The following HRG variants were observed in gnomAD, a reference collection of about 807,000 sequenced individuals.
HRG encodes the protein histidine rich glycoprotein, also known as histidine-rich glycoprotein.
A neutral mutation model predicts 29.5 loss-of-function variants in HRG; 26 were observed. The observed-to-expected ratio is 0.88, with a 90% CI of 0.65 to 1.22. HRG has a LOEUF of 1.22. Ranked by LOEUF, HRG falls within the 50% of genes most tolerant of loss-of-function variation. The pLI is 0.00. For missense variants in HRG, 671 were observed against 654.5 expected, an observed-to-expected ratio of 1.03 and a Z score of -0.28; for synonymous variants, 243 against 240.4, an observed-to-expected ratio of 1.01 and a Z score of -0.10.
chr3:186,671,034 C>T (rs1003442841), intron 3 of HRG, among the ~76,000 whole-genome samples: 1 of 151,618 alleles, frequency 6.6e-6, no homozygotes. Flanking sequence ...CTGTCTTCCC[C>T]CTTGGCAACA....
At chr3:186,672,747 T>G (rs1267686248) in intron 4 of HRG, 40 bp from the exon 5 acceptor site, 1 of 1,361,984 alleles carries the variant, frequency 7.3e-7, no homozygotes, top group Admixed American at 1.7e-5. Context: ...TCCTTTTTCT[T>G]TGTCTGTTCT....
At position 186,668,832 on chromosome 3, in the gene HRG, A is replaced by T; in HGVS notation, c.184-103A>T. ...GAGCATCTGCAAAGACAGTGAGAGG[A>T]ACAGGAATTCTGTTTAAGTAATAAA... is the stretch of plus-strand genomic sequence containing the variant. On this transcript the variant is annotated intron_variant, in intron 1 of 6. Transcript: ENST00000232003. 5.6e-6 allele frequency: 4 copies of T among 718,498 alleles called. No individual in the cohort carries two copies. The South Asian group carries it at 6.2e-5, about 11-fold the overall frequency. 44.5% of individuals were successfully genotyped at this position (718,498 alleles called of 1,614,324 possible).
Position 186,677,777 on chromosome 3 carries a change from C to T in HRG, c.1472C>T (p.Pro491Leu), listed in dbSNP as rs1227947711. The stretch of plus-strand genomic sequence containing the variant: ...CCGCACCACAAACATCCTCTAAAGC[C>T]AGACAATCAGCCCTTTCCTCAATCA... Reference protein sequence around the residue: ...PLPHHKHPLKPDNQPFPQSVS... With the variant: ...PLPHHKHPLKLDNQPFPQSVS... The change falls in exon 7 of 7, where the codon CCA becomes CTA. Residue 491 changes from proline (P) to leucine (L), a missense_variant. Pro to Leu is a moderately conservative substitution (Grantham distance 98, BLOSUM62 -3). Coordinates refer to ENST00000232003, the MANE Select transcript of HRG (RefSeq NM_000412.5). 2 of 1,613,940 alleles carry T rather than the reference C, an allele frequency of 1.2e-6. No individual in the cohort carries two copies. Among genetic ancestry groups the T allele is most frequent in the South Asian group, 1.1e-5 (1 of 91,064 alleles).
At position 186,675,300 on chromosome 3, in the gene HRG, T is replaced by TGA. The variant is rs1367965463; in HGVS notation, c.741+111_741+112insAG. The TGA allele has an allele frequency of 6.2e-4, 376 of 602,092 alleles. 1 individual carries two copies. The highest frequency in any genetic ancestry group is 5.7e-3 in the African/African-American group (254 of 44,346). The allele number at this position is 602,092 out of a possible 1,614,324, so 37.3% of individuals were successfully genotyped here. Reference sequence around the variant, plus strand: ...CTATGAGTGGGTGTGTGTGTGTGTGTGTGTGTGTGAGAGAGAGAGAGAGAG... The same window carrying TGA: ...CTATGAGTGGGTGTGTGTGTGTGTGTGAGTGTGTGTGAGAGAGAGAGAGAGAG... On this transcript the variant is annotated intron_variant, in intron 6 of 6. Coordinates refer to ENST00000232003, the MANE Select transcript of HRG (RefSeq NM_000412.5).
chr3:186,674,747 A>G (rs1022931036), intron 5 of HRG: 5 of 363,354 alleles, frequency 1.4e-5, no homozygotes, highest in Non-Finnish European at 2.1e-5. Context: ...TCATTGTCCT[A>G]GGCACAGGCA....
At chr3:186,673,389 GGC>G (rs1718869505) in intron 5 of HRG, 1 of 201,954 alleles carries the variant, frequency 5.0e-6, no homozygotes, top group Non-Finnish European at 1.0e-5. Context: ...TGGGGTTACA[GGC>G]GCAAGCCACC....
chr3:186,672,861 C>T lies in HRG; in HGVS notation c.633C>T (p.His211=). 1 of 1,600,622 alleles carries T rather than the reference C, an allele frequency of 6.2e-7. No individual in the cohort carries two copies. Among genetic ancestry groups the T allele is most frequent in the South Asian group, 1.1e-5 (1 of 90,730 alleles). ...GCCCCAGACACCATTTCCCCAGACA[C>T]CCCAATGTGAGTATAAGAAATGTCT... is the stretch of plus-strand genomic sequence containing the variant. ...RNCPRHHFPR[H]PNVFGFCRAD... is the part of the protein sequence containing the mutation. The change falls in exon 5 of 7, where the codon CAC becomes CAT. Residue 211 remains histidine (H), a synonymous_variant. Transcript: ENST00000232003.
Position 186,677,765 on chromosome 3 carries a change from A to G in HRG, c.1460A>G (p.His487Arg). ...FPSFPLPHHK[H>R]PLKPDNQPFP... ...AGCTTCCCATTGCCGCACCACAAAC[A>G]TCCTCTAAAGCCAGACAATCAGCCC... The change falls in exon 7 of 7, where the codon CAT (histidine) becomes CGT (arginine). Residue 487 changes from histidine (H) to arginine (R), a missense_variant. Coordinates refer to ENST00000232003, the MANE Select transcript of HRG (RefSeq NM_000412.5). 1 of 1,612,902 alleles carries G rather than the reference A, an allele frequency of 6.2e-7. No individual in the cohort carries two copies. The highest frequency in any genetic ancestry group is 8.5e-7 in the Non-Finnish European group (1 of 1,178,996).
In HRG at chr3:186,666,131, G is replaced by A; in HGVS notation, c.100G>A (p.Ala34Thr). 6.2e-7 allele frequency: 1 copy of A among 1,614,208 alleles called. No individual in the cohort carries two copies. Among genetic ancestry groups the A allele is most frequent in the Non-Finnish European group, 8.5e-7 (1 of 1,180,046 alleles). ...TGCTGTTGAGCCGGAGGCTGAGAAA[G>A]CTCTAGACCTGATCAATAAAAGGCG... ...CSAVEPEAEKALDLINKRRRD... is the reference protein window; with the variant it reads ...CSAVEPEAEKTLDLINKRRRD... The change falls in exon 1 of 7, where the codon GCT (alanine) becomes ACT (threonine). Residue 34 changes from alanine to threonine, a missense_variant. Coordinates refer to ENST00000232003, the MANE Select transcript of HRG (RefSeq NM_000412.5).
rs765983445 is a variant in HRG, at chr3:186,671,778, G to A, written c.547G>A (p.Val183Ile). ...ASFRVDRIER[V>I]ARVRGGEGTG... ...TTTCAGAGTGGACCGAATCGAGAGAGTTGCAAGAGTGGTGAGTCTCCACTA... is the reference window on the plus strand; with the variant it reads ...TTTCAGAGTGGACCGAATCGAGAGAATTGCAAGAGTGGTGAGTCTCCACTA... Residue 183 changes from valine to isoleucine, a missense_variant, in exon 4 of 7, where the codon GTT becomes ATT. Coordinates refer to ENST00000232003, the MANE Select transcript of HRG (RefSeq NM_000412.5). 2.4e-5 allele frequency: 38 copies of A among 1,613,736 alleles called. No individual in the cohort carries two copies. The highest frequency in any genetic ancestry group is 3.0e-5 in the Non-Finnish European group (35 of 1,179,814).
chr3:186,672,892 C>T (rs377098713), intron 5 of HRG, 25 bp downstream of exon 5: 30 of 1,426,444 alleles, frequency 2.1e-5, no homozygotes, highest in Non-Finnish European at 2.7e-5. Flanking sequence ...TGTCTGTGAT[C>T]GTTGACTAGA....
chr3:186,673,393 C>T (rs1579077974), intron 5 of HRG: 1 of 199,302 alleles, frequency 5.0e-6, no homozygotes, highest in East Asian at 1.2e-4. Flanking sequence ...GTTACAGGCG[C>T]AAGCCACCAT....
intron 5 of HRG, 58 bp downstream of exon 5, chr3:186,672,925 A>G: frequency 8.8e-7 from 1 of 1,136,964 alleles, no homozygotes. Context: ...AAAGAAAGAG[A>G]AGAAGGAGAA....
At chr3:186,669,099 C>T (rs370815203) in intron 2 of HRG, 48 bp downstream of exon 2, 21 of 1,052,352 alleles carry the variant, frequency 2.0e-5, no homozygotes, top group Non-Finnish European at 3.1e-5. Flanking sequence ...TCTTATTTTC[C>T]ATCTACTCTG....
At position 186,677,907 on chromosome 3, in the gene HRG, A is replaced by G. The variant is rs1184800061; in HGVS notation, c.*24A>G. On this transcript the variant is annotated 3_prime_UTR_variant, in exon 7 of 7. Coordinates refer to ENST00000232003, the MANE Select transcript of HRG (RefSeq NM_000412.5). Reference sequence around the variant, plus strand: ...AAAATGTGATTCCTTTGAAGAGGAAAATGAATAATACATTGAATTAGAAAC... The same window carrying G: ...AAAATGTGATTCCTTTGAAGAGGAAGATGAATAATACATTGAATTAGAAAC... 1 of 1,584,918 alleles carries G rather than the reference A, an allele frequency of 6.3e-7. No homozygotes were observed. Among genetic ancestry groups the G allele is most frequent in the South Asian group, 1.1e-5 (1 of 90,284 alleles).
At chr3:186,671,441 C>T (rs909413344) in intron 3 of HRG, among the ~76,000 whole-genome samples, 182 bp from the exon 4 acceptor site, 1 of 151,836 alleles carries the variant, frequency 6.6e-6, no homozygotes, top group African/African-American at 2.4e-5. Context: ...CAGAAAGACT[C>T]GAAGGAAGAA....
At position 186,669,982 on chromosome 3, in the gene HRG, A is replaced by G. The variant is rs756994316; in HGVS notation, c.345A>G (p.Glu115=). 3.1e-6 allele frequency: 5 copies of G among 1,601,664 alleles called. No homozygotes were observed. The highest frequency in any genetic ancestry group is 2.6e-6 in the Non-Finnish European group (3 of 1,170,408). ...CKVIATRHSH[E]SQDLRVIDFN... Reference sequence around the variant, plus strand: ...TAATAGCTACAAGACATTCCCATGAATCTCAGGACCTCAGAGTGATTGACT... The same window carrying G: ...TAATAGCTACAAGACATTCCCATGAGTCTCAGGACCTCAGAGTGATTGACT... Residue 115 remains glutamate (E), a synonymous_variant, in exon 3 of 7, where the codon GAA becomes GAG. Coordinates refer to ENST00000232003, the MANE Select transcript of HRG (RefSeq NM_000412.5).
intron 3 of HRG, among the ~76,000 whole-genome samples, chr3:186,671,124 C>G (rs1320395737): frequency 1.3e-5 from 2 of 150,688 alleles, no homozygotes; most frequent in African/African-American, 4.9e-5. Context: ...GAGGTTGAGG[C>G]CAGAGGGTTG....
rs1289914211 is a variant in HRG at position 186,677,514 on chromosome 3, A to G, written c.1209A>G (p.Gly403=). 2.2e-5 allele frequency: 36 copies of G among 1,607,508 alleles called. No homozygotes were observed. The highest frequency in any genetic ancestry group is 2.9e-5 in the Non-Finnish European group (34 of 1,176,054). ...GHHPHGHHPH[G]HHPHCHDFQD... The stretch of plus-strand genomic sequence containing the variant: ...ACCCCCATGGACACCATCCCCATGG[A>G]CACCATCCCCACTGCCATGATTTCC... The change falls in exon 7 of 7, where the codon GGA becomes GGG. Residue 403 remains glycine (G), a synonymous_variant. Transcript: ENST00000232003.
Sources: allele counts gnomAD v4.1 joint callset (sites outside exome capture counted in the v4.1 genomes callset), GRCh38; gene constraint gnomAD v4.1.1; transcripts MANE v1.5; gene names NCBI Gene and HGNC (gene_info 2026-07-23, HGNC 2026-07-21).